Variants in PCDH15 observed in about 807,000 individuals in gnomAD.
PCDH15 encodes the protein protocadherin-15.
In PCDH15, 129 loss-of-function variants were observed where a neutral mutation model predicts 178.5. The observed-to-expected ratio is 0.72, with a 90% confidence interval of 0.63 to 0.84. The LOEUF is 0.84. PCDH15 is among the 40% of genes least tolerant of loss of function. PCDH15 has a pLI of 0.00. For missense variants in PCDH15, 2,230 were observed against 2,099.9 expected, an observed-to-expected ratio of 1.06 and a Z score of -1.21; for synonymous variants, 800 against 732.0, an observed-to-expected ratio of 1.09 and a Z score of -1.50.
intron 14 of PCDH15, among the ~76,000 whole-genome samples, chr10:54,133,814 A>T (rs945268203): frequency 6.6e-6 from 1 of 152,060 alleles, no homozygotes; most frequent in African/African-American, 2.4e-5. Flanking sequence ...CTGAAAATAC[A>T]TAAGGTTAGC....
chr10:53,925,012 A>G lies in PCDH15; in HGVS notation c.3373+13803T>C, dbSNP rs181198684. On this transcript the variant is annotated intron_variant, in intron 25 of 37. Transcript: ENST00000644397. ...AATCAGCTCTCTGTAAAACAGACCA[A>G]TCAGCTCTCTGTAAAATGTACCAAT... Among the ~76,000 whole-genome samples the G allele has an allele frequency of 2.9e-3, 442 of 152,286 alleles. 4 individuals are homozygous for G. The highest frequency in any genetic ancestry group is 3.8e-3 in the Non-Finnish European group (258 of 68,002).
chr10:54,629,404 A>C (rs2093641611), intron 2 of PCDH15, among the ~76,000 whole-genome samples: 1 of 152,218 alleles, frequency 6.6e-6, no homozygotes, highest in Non-Finnish European at 1.5e-5. Context: ...ACCATGATCA[A>C]GAAGGCTATA....
rs189306126 is a variant in PCDH15 at position 54,483,295 on chromosome 10, G to A, written c.157+44517C>T. 3.7e-3 allele frequency among the ~76,000 whole-genome samples: 562 copies of A among 151,906 alleles called. 1 individual carries two copies. Among genetic ancestry groups the A allele is most frequent in the Non-Finnish European group, 6.0e-3 (404 of 67,814 alleles). On this transcript the variant is annotated intron_variant, in intron 3 of 37. Coordinates refer to ENST00000644397, the MANE Select transcript of PCDH15 (RefSeq NM_001384140.1). Reference sequence around the variant, plus strand: ...AATTTGGAATTACAACATGGTATGTGTTTAATGCTCAGCAATTATGTTATG... The same window carrying A: ...AATTTGGAATTACAACATGGTATGTATTTAATGCTCAGCAATTATGTTATG...
chr10:54,873,559 C>CGT (rs1457420503), intron 3 of PCDH15, among the ~76,000 whole-genome samples: 11 of 39,292 alleles, frequency 2.8e-4, no homozygotes, highest in East Asian at 1.8e-3. Flanking sequence ...TATACATATA[C>CGT]GTATGTGTGT....
intron 2 of PCDH15, among the ~76,000 whole-genome samples, chr10:55,037,936 A>C (rs1016149047): frequency 2.6e-5 from 4 of 152,168 alleles, no homozygotes; most frequent in African/African-American, 9.6e-5. Flanking sequence ...GTTTGTACCC[A>C]TATTATTTAT....
intron 2 of PCDH15, among the ~76,000 whole-genome samples, chr10:55,510,755 T>C (rs1183167986): frequency 1.3e-5 from 2 of 151,448 alleles, no homozygotes; most frequent in African/African-American, 4.8e-5. Context: ...AACACTGATT[T>C]AGGTTTTTGA....
At chr10:53,817,964 T>G (rs2076125924) in intron 34 of PCDH15, 31 bp downstream of exon 34, 1 of 398,610 alleles carries the variant, frequency 2.5e-6, no homozygotes, top group Non-Finnish European at 4.4e-6. Context: ...CTAGTATGCT[T>G]GTTACGACAT....
intron 2 of PCDH15, among the ~76,000 whole-genome samples, chr10:55,579,938 C>T (rs1027801237): frequency 6.6e-6 from 1 of 152,072 alleles, no homozygotes. Flanking sequence ...CTCACTGCAA[C>T]CTCTGCCTCC....
chr10:55,379,175 G>A (rs1458274695), intron 2 of PCDH15, among the ~76,000 whole-genome samples: 1 of 151,682 alleles, frequency 6.6e-6, no homozygotes, highest in Admixed American at 6.6e-5. Context: ...TTTGTTAAGA[G>A]CCTCAGATCA....
rs2050318 is a variant in PCDH15, at chr10:55,504,980, C to T, written c.-156+122645G>A. ...AAGCATGTCAAACTATGTTTTGTAG[C>T]GTATTAACAAATAGGAGTTTGTCAT... On this transcript the variant is annotated intron_variant, in intron 2 of 5. Transcript: ENST00000613346. Among the ~76,000 whole-genome samples, 314 of 151,384 alleles carry T rather than the reference C, an allele frequency of 2.1e-3. 3 individuals carry two copies. The highest frequency in any genetic ancestry group is 6.2e-3 in the African/African-American group (258 of 41,436).
chr10:55,344,032 T>C (rs1844674891), intron 2 of PCDH15, among the ~76,000 whole-genome samples: 1 of 152,006 alleles, frequency 6.6e-6, no homozygotes, highest in Admixed American at 6.6e-5. Flanking sequence ...AGATATTTAT[T>C]GGAGAGGTAG....
rs33951115 is a variant in PCDH15, at chr10:53,999,052, C to CAA, written c.2752-3289_2752-3288dup. ...TGGGTGACAGAGTGATACTCAGTCT[C>CAA]AAAAAAAAAAAAAAAAAAAAAGATA... On this transcript the variant is annotated intron_variant, in intron 20 of 37. Coordinates refer to ENST00000644397, the MANE Select transcript of PCDH15 (RefSeq NM_001384140.1). Among the ~76,000 whole-genome samples the CAA allele has an allele frequency of 3.4e-3, 311 of 92,422 alleles. 2 individuals are homozygous for CAA. The highest frequency in any genetic ancestry group is 0.012 in the African/African-American group (282 of 23,404). 60.6% of individuals were successfully genotyped at this position (92,422 alleles called of 152,430 possible).
intron 2 of PCDH15, among the ~76,000 whole-genome samples, chr10:55,465,456 A>G (rs974582357): frequency 6.6e-6 from 1 of 152,158 alleles, no homozygotes; most frequent in Non-Finnish European, 1.5e-5. Context: ...CCTGGCTGCA[A>G]CTAGGACCAA....
chr10:54,082,053 C>T (rs1284515190), intron 16 of PCDH15, among the ~76,000 whole-genome samples: 1 of 152,184 alleles, frequency 6.6e-6, no homozygotes, highest in Non-Finnish European at 1.5e-5. Context: ...TACCATCTCA[C>T]TGGCTCAGAG....
chr10:54,904,470 TA>T lies in PCDH15; in HGVS notation c.-79-6971del, dbSNP rs34736570. 2.4e-4 allele frequency among the ~76,000 whole-genome samples: 36 copies of T among 149,600 alleles called. No individual in the cohort carries two copies. The East Asian group carries it at 4.3e-3, about 18-fold the overall frequency. On this transcript the variant is annotated intron_variant, in intron 2 of 5. Transcript: ENST00000458638. ...GGTTTGGGTTCAATTATATGATGAT[TA>T]AAAAAAAAATCTCAGGTTGGAACAA...
At chr10:55,244,478 G>T (rs1824639553) in intron 1 of PCDH15, among the ~76,000 whole-genome samples, 1 of 151,954 alleles carries the variant, frequency 6.6e-6, no homozygotes, top group Admixed American at 6.6e-5. Context: ...AACCCCATGT[G>T]AGATTTATGG....
intron 7 of PCDH15, among the ~76,000 whole-genome samples, chr10:54,322,575 A>T (rs2061682000): frequency 6.6e-6 from 1 of 152,014 alleles, no homozygotes; most frequent in Non-Finnish European, 1.5e-5. Context: ...CCAAGATCGA[A>T]TCAGGAAACT....
At chr10:54,888,192 G>A (rs2131812930) in intron 3 of PCDH15, among the ~76,000 whole-genome samples, 1 of 152,114 alleles carries the variant, frequency 6.6e-6, no homozygotes, top group Non-Finnish European at 1.5e-5. Flanking sequence ...TCCTTCTCCT[G>A]CTCTTCTCTG....
chr10:54,263,399 A>C (rs2057461930), intron 8 of PCDH15, among the ~76,000 whole-genome samples: 1 of 152,154 alleles, frequency 6.6e-6, no homozygotes, highest in South Asian at 2.1e-4. Context: ...TCCACTTCCC[A>C]GTGCACTGTT....
Sources: allele counts gnomAD v4.1 joint callset (sites outside exome capture counted in the v4.1 genomes callset), GRCh38; gene constraint gnomAD v4.1.1; transcripts MANE v1.5; gene names NCBI Gene and HGNC (gene_info 2026-07-23, HGNC 2026-07-21).